The following TMEM131 variants were observed in gnomAD, a reference collection of about 807,000 sequenced individuals.
The protein encoded by TMEM131 is 2610524E03Rik.
In TMEM131, 66 loss-of-function variants were observed where a neutral mutation model predicts 211.6. The ratio of observed to expected loss-of-function variants is 0.31; its 90% CI spans 0.26 to 0.38. TMEM131 has a LOEUF of 0.38. Ranked by LOEUF, TMEM131 falls within the 10% of genes least tolerant of loss-of-function variation. TMEM131 has a pLI of 1.00. For missense variants in TMEM131, 2,036 were observed against 2,299.3 expected, an observed-to-expected ratio of 0.89 and a Z score of 2.34; for synonymous variants, 844 against 841.3, an observed-to-expected ratio of 1.00 and a Z score of -0.06.
At chr2:97,776,146 C>T (rs1008138338) in intron 31 of TMEM131, 128 bp from the exon 32 acceptor site, 14 of 875,880 alleles carry the variant, frequency 1.6e-5, no homozygotes, top group African/African-American at 5.1e-5. Flanking sequence ...CTCCGCCTCC[C>T]GGGTTCACAC....
chr2:97,821,153 T>C (rs1412101960), intron 11 of TMEM131, among the ~76,000 whole-genome samples: 1 of 152,168 alleles, frequency 6.6e-6, no homozygotes, highest in Admixed American at 6.5e-5. Context: ...CTTTTTTGTC[T>C]AGCTAGAGGA....
At chr2:97,927,318 T>TA in intron 2 of TMEM131, 108 bp downstream of exon 2, 1 of 837,842 alleles carries the variant, frequency 1.2e-6, no homozygotes. Context: ...TCAAAGCTCA[T>TA]AAAATATAAA....
rs1361410466 is a variant in TMEM131, at chr2:97,844,137, G to A, written c.600+8C>T. On this transcript the variant is annotated splice_region_variant and intron_variant, in intron 6 of 40. Coordinates refer to ENST00000186436, the MANE Select transcript of TMEM131 (RefSeq NM_015348.2). ...TTGTATAAAATAAGTTTTAATTCTGGTTCTTACCTGGTAAGTAAATACCCC... is the reference window on the plus strand; with the variant it reads ...TTGTATAAAATAAGTTTTAATTCTGATTCTTACCTGGTAAGTAAATACCCC... 16 of 899,212 alleles carry A rather than the reference G, an allele frequency of 1.8e-5. No individual in the cohort carries two copies. Among genetic ancestry groups the A allele is most frequent in the South Asian group, 3.4e-5 (1 of 29,506 alleles). 55.7% of individuals were successfully genotyped at this position (899,212 alleles called of 1,614,324 possible). A position where few individuals can be genotyped will look rare whatever the true frequency, so the allele number is the denominator to read the frequency against.
chr2:97,780,388 C>A (rs961827901), intron 31 of TMEM131, among the ~76,000 whole-genome samples: 1 of 152,180 alleles, frequency 6.6e-6, no homozygotes, highest in East Asian at 1.9e-4. Flanking sequence ...TCAAGTGTTG[C>A]CTGGCCACCC....
At chr2:97,770,223 C>A (rs904626215) in intron 33 of TMEM131, among the ~76,000 whole-genome samples, 3 of 152,102 alleles carry the variant, frequency 2.0e-5, no homozygotes, top group African/African-American at 7.2e-5. Flanking sequence ...AGAAAGCCAA[C>A]CTTCTCCGGT....
chr2:97,991,360 G>A (rs1573664056), intron 1 of TMEM131, among the ~76,000 whole-genome samples: 1 of 152,218 alleles, frequency 6.6e-6, no homozygotes, highest in Non-Finnish European at 1.5e-5. Flanking sequence ...AAGGCGGTAG[G>A]AGAGAGGCTG....
In TMEM131 at chr2:97,995,618, G is replaced by T. The variant is rs1680473802; in HGVS notation, c.45C>A (p.Ala15=). Residue 15 remains alanine (A), a synonymous_variant, in exon 1 of 41, where the codon GCC becomes GCA. Coordinates refer to ENST00000186436, the MANE Select transcript of TMEM131 (RefSeq NM_015348.2). ...AGGGATGATT[A]AVSTSAGAGL... ...CGGCCCCGGCGGACGTGGAGACGGC[G>T]GCGGTGGTGGCTCCGGTTGCTCCTC... 7 of 1,236,988 alleles carry T rather than the reference G, an allele frequency of 5.7e-6. No individual in the cohort carries two copies. The highest frequency in any genetic ancestry group is 1.6e-5 in the African/African-American group (1 of 63,774). The allele number at this position is 1,236,988 out of a possible 1,614,324, so 76.6% of individuals were successfully genotyped here. A position where few individuals can be genotyped will look rare whatever the true frequency, so the allele number is the denominator to read the frequency against.
In TMEM131 at chr2:97,814,345, C is replaced by G. The variant is rs1249451327; in HGVS notation, c.1336G>C (p.Asp446His). 5.0e-6 allele frequency: 8 copies of G among 1,613,324 alleles called. No individual in the cohort carries two copies. The highest frequency in any genetic ancestry group is 6.8e-6 in the Non-Finnish European group (8 of 1,179,694). Residue 446 changes from aspartate to histidine, a missense_variant, in exon 14 of 41, where the codon GAC becomes CAC. Coordinates refer to ENST00000186436, the MANE Select transcript of TMEM131 (RefSeq NM_015348.2). ...CTTTCCACAGGATCAGCAGGGCTGT[C>G]TCGGATGTGAAATAATGTTGCAGCA... ...DHAATLFHIR[D>H]SPADPVERPI...
chr2:97,984,900 A>C (rs1010928597), intron 1 of TMEM131, among the ~76,000 whole-genome samples: 4 of 152,148 alleles, frequency 2.6e-5, no homozygotes, highest in African/African-American at 9.7e-5. Context: ...CAGGCAGCCC[A>C]AGTCCAATGG....
chr2:97,943,037 A>AAAAG (rs71394401), intron 1 of TMEM131, among the ~76,000 whole-genome samples: 2,857 of 65,718 alleles, frequency 0.043, 97 homozygotes, highest in South Asian at 0.095. Context: ...AAAAGAAAAG[A>AAAAG]AAAGAAAGAA....
intron 40 of TMEM131, 71 bp from the exon 41 acceptor site, chr2:97,757,454 C>T: frequency 6.7e-7 from 1 of 1,494,180 alleles, no homozygotes; most frequent in Admixed American, 2.3e-5. Flanking sequence ...GGGGGTAAGG[C>T]TACAGAAAAG....
At position 97,955,206 on chromosome 2, in the gene TMEM131, TAATA is replaced by T. The variant is rs908242359; in HGVS notation, c.188-27723_188-27720del. ...AAAAAATTAATGGAATCAAATATAC[TAATA>T]AATAACAAAATCATATGATCATGTC... is the stretch of plus-strand genomic sequence containing the variant. On this transcript the variant is annotated intron_variant, in intron 1 of 40. Transcript: ENST00000186436. 5.9e-5 allele frequency among the ~76,000 whole-genome samples: 9 copies of T among 152,158 alleles called. No homozygotes were observed. In the South Asian group the frequency reaches 6.2e-4, roughly 11 times the overall value.
At chr2:97,828,346 GA>G (rs76262676) in intron 11 of TMEM131, among the ~76,000 whole-genome samples, 66 of 145,606 alleles carry the variant, frequency 4.5e-4, no homozygotes, top group East Asian at 1.4e-3. Flanking sequence ...TCTCAATTAT[GA>G]AAAAAAAAAA....
rs760616056 is a variant in TMEM131, at chr2:97,859,443, A to G, written c.360-16T>C. ...TCCAACTGGTCTGTAAAACAAAAAG[A>G]AAATTATCACAAATATTTCACAGAT... On this transcript the variant is annotated splice_polypyrimidine_tract_variant and intron_variant, in intron 4 of 40. Transcript: ENST00000186436. 2.9e-5 allele frequency: 45 copies of G among 1,526,682 alleles called. No homozygotes were observed. The highest frequency in any genetic ancestry group is 3.6e-5 in the Non-Finnish European group (41 of 1,144,578). The allele number at this position is 1,526,682 out of a possible 1,614,324, so 94.6% of individuals were successfully genotyped here. A position where few individuals can be genotyped will look rare whatever the true frequency, so the allele number is the denominator to read the frequency against.
chr2:97,980,444 T>C (rs953425675), intron 1 of TMEM131, among the ~76,000 whole-genome samples: 5 of 152,152 alleles, frequency 3.3e-5, no homozygotes, highest in Admixed American at 1.3e-4. Flanking sequence ...GGCAAGCATA[T>C]GGAGGAAATG....
intron 3 of TMEM131, among the ~76,000 whole-genome samples, chr2:97,894,554 T>A (rs897903995): frequency 3.9e-5 from 6 of 152,256 alleles, no homozygotes; most frequent in African/African-American, 1.4e-4. Flanking sequence ...TCTCTTAATT[T>A]CCTTGAGCAG....
At chr2:97,790,463 C>T (rs1340877542) in intron 31 of TMEM131, among the ~76,000 whole-genome samples, 1 of 152,204 alleles carries the variant, frequency 6.6e-6, no homozygotes, top group African/African-American at 2.4e-5. Flanking sequence ...TCCATGCTCC[C>T]TCACTGAGTA....
rs1430202888 is a variant in TMEM131 at position 97,797,395 on chromosome 2, T to C, written c.2840A>G (p.Asn947Ser). 1 of 1,611,386 alleles carries C rather than the reference T, an allele frequency of 6.2e-7. No homozygotes were observed. The highest frequency in any genetic ancestry group is 1.1e-5 in the South Asian group (1 of 90,820). ...SVKVKFTPVH[N>S]RTVSSLIIVR... ...TATGATAAGTGAAGAAACAGTTCTG[T>C]TGTGAACTGGAGTAAACTTTACTTT... is the stretch of plus-strand genomic sequence containing the variant. Residue 947 changes from asparagine (N) to serine (S), a missense_variant, in exon 26 of 41, where the codon AAC (asparagine) becomes AGC (serine). This residue lies in a region of TMEM131 where 1,623 missense variants were observed against 1,805.9 expected (regional missense o/e 0.90). Coordinates refer to ENST00000186436, the MANE Select transcript of TMEM131 (RefSeq NM_015348.2).
At chr2:97,926,287 T>C (rs193260008) in intron 2 of TMEM131, among the ~76,000 whole-genome samples, 2 of 152,308 alleles carry the variant, frequency 1.3e-5, no homozygotes, top group African/African-American at 4.8e-5. Context: ...ATATATATTC[T>C]GCCATAGAAA....
Sources: allele counts gnomAD v4.1 joint callset (sites outside exome capture counted in the v4.1 genomes callset), GRCh38; gene constraint gnomAD v4.1.1; regional missense constraint gnomAD v4.1.1; transcripts MANE v1.5; gene names NCBI Gene and HGNC (gene_info 2026-07-23, HGNC 2026-07-21).